SCAF8: variants seen among roughly 807,000 people sequenced by gnomAD.
The protein encoded by SCAF8 is SR-related CTD associated factor 8, also known as SR-related and CTD-associated factor 8.
In SCAF8, 23 loss-of-function variants were observed where a neutral mutation model predicts 140.5. The ratio of observed to expected loss-of-function variants is 0.16; its 90% CI spans 0.12 to 0.23. The LOEUF (loss-of-function observed/expected upper bound fraction) is 0.23. Ranked by LOEUF, SCAF8 falls within the 10% of genes least tolerant of loss-of-function variation. The pLI is 1.00. For synonymous variants in SCAF8, 575 were observed against 528.9 expected (o/e 1.09, Z -1.20); for missense variants, 1,397 against 1,555.7 (o/e 0.90, Z 1.72).
At chr6:154,772,595 G>C (rs1018184734) in intron 1 of SCAF8, among the ~76,000 whole-genome samples, 1 of 152,050 alleles carries the variant, frequency 6.6e-6, no homozygotes, top group Non-Finnish European at 1.5e-5. Flanking sequence ...AGGCTGAGGT[G>C]GGAGTATCGT....
chr6:154,766,818 T>C (rs1776585351), intron 1 of SCAF8, among the ~76,000 whole-genome samples: 1 of 152,130 alleles, frequency 6.6e-6, no homozygotes, highest in African/African-American at 2.4e-5. Flanking sequence ...AAGCTTTTTT[T>C]GTGGCAGTGG....
intron 1 of SCAF8, among the ~76,000 whole-genome samples, chr6:154,747,702 T>G (rs112881251): frequency 6.6e-6 from 1 of 152,114 alleles, no homozygotes; most frequent in African/African-American, 2.4e-5. Flanking sequence ...AAAGGCCTTA[T>G]AGTGCTTATT....
At chr6:154,750,110 TG>T (rs1301130315) in intron 1 of SCAF8, among the ~76,000 whole-genome samples, 1 of 137,906 alleles carries the variant, frequency 7.3e-6, no homozygotes. Flanking sequence ...AATGATAATT[TG>T]GGGGGGATAG....
At chr6:154,770,369 T>TAC (rs1226898910) in intron 1 of SCAF8, among the ~76,000 whole-genome samples, 1,650 of 146,346 alleles carry the variant, frequency 0.011, 10 homozygotes, top group Middle Eastern at 0.018. Flanking sequence ...GAGGTTGAGG[T>TAC]ACACACACAC....
In SCAF8 at chr6:154,808,711, A is replaced by G. The variant is rs1354678634; in HGVS notation, c.1139A>G (p.Asp380Gly). 1 of 1,613,148 alleles carries G rather than the reference A, an allele frequency of 6.2e-7. No homozygotes were observed. Among genetic ancestry groups the G allele is most frequent in the Non-Finnish European group, 8.5e-7 (1 of 1,179,238 alleles). ...GATATGGATATAGATGAAGGGCAAG[A>G]TGGAGTGGAAGAGGAGGTCTTTGAA... ...QQDMDIDEGQDGVEEEVFEQE... is the reference protein window; with the variant it reads ...QQDMDIDEGQGGVEEEVFEQE... The change falls in exon 11 of 20, where the codon GAT (aspartate) becomes GGT (glycine). Residue 380 changes from aspartate to glycine, a missense_variant. Around this residue, in one of 5 missense-constraint regions of SCAF8, gnomAD observed 339 missense variants for 407.5 expected, o/e 0.83. Coordinates refer to ENST00000367178, the MANE Select transcript of SCAF8 (RefSeq NM_014892.5).
chr6:154,753,763 G>A (rs780496266), intron 1 of SCAF8, among the ~76,000 whole-genome samples: 44 of 152,220 alleles, frequency 2.9e-4, no homozygotes, highest in Non-Finnish European at 5.0e-4. Flanking sequence ...TATTTCTGAA[G>A]AAAGCAGTAG....
At chr6:154,830,826 A>G in intron 18 of SCAF8, 96 bp from the exon 19 acceptor site, 1 of 833,990 alleles carries the variant, frequency 1.2e-6, no homozygotes, top group East Asian at 2.5e-5. Context: ...TTAGTAATAC[A>G]GAGATGCCAT....
intron 4 of SCAF8, among the ~76,000 whole-genome samples, chr6:154,789,340 T>C (rs774082387): frequency 6.6e-6 from 1 of 151,952 alleles, no homozygotes; most frequent in African/African-American, 2.4e-5. Flanking sequence ...CTCAAATTCC[T>C]GACCTTGTGA....
intron 8 of SCAF8, among the ~76,000 whole-genome samples, chr6:154,804,672 T>G (rs1393309573): frequency 6.6e-6 from 1 of 152,194 alleles, no homozygotes; most frequent in Admixed American, 6.5e-5. Context: ...ATTCTTCCCC[T>G]TAGGTTTATT....
intron 3 of SCAF8, among the ~76,000 whole-genome samples, chr6:154,780,774 G>T (rs1321407144): frequency 2.0e-5 from 3 of 151,996 alleles, no homozygotes. Flanking sequence ...GTCTATCATT[G>T]ATGGGCATTT....
At chr6:154,818,754 A>G (rs959280783) in intron 14 of SCAF8, among the ~76,000 whole-genome samples, 162 bp downstream of exon 14, 1 of 152,214 alleles carries the variant, frequency 6.6e-6, no homozygotes, top group Non-Finnish European at 1.5e-5. Flanking sequence ...GACAAACCTC[A>G]TCAGAAACTT....
intron 1 of SCAF8, among the ~76,000 whole-genome samples, chr6:154,746,387 T>G (rs993342099): frequency 1.3e-5 from 2 of 152,236 alleles, no homozygotes; most frequent in Non-Finnish European, 2.9e-5. Flanking sequence ...TGTGTATATC[T>G]ATCAATAGAT....
intron 3 of SCAF8, among the ~76,000 whole-genome samples, chr6:154,786,679 T>C (rs1187865634): frequency 2.0e-5 from 3 of 152,250 alleles, no homozygotes; most frequent in South Asian, 4.1e-4. Context: ...TCGCTTTCAC[T>C]GTCATAACTT....
intron 1 of SCAF8, among the ~76,000 whole-genome samples, chr6:154,759,172 T>G (rs1054736378): frequency 6.6e-6 from 1 of 152,186 alleles, no homozygotes; most frequent in Admixed American, 6.5e-5. Flanking sequence ...GGATTTTGAG[T>G]TGTCATCAGT....
intron 9 of SCAF8, among the ~76,000 whole-genome samples, chr6:154,806,327 A>G (rs1288486749): frequency 1.3e-5 from 2 of 152,206 alleles, no homozygotes; most frequent in Admixed American, 6.5e-5. Context: ...ACGCATGTAA[A>G]CTGTTCAGAA....
chr6:154,817,785 GAAAC>G (rs771566827), intron 13 of SCAF8, among the ~76,000 whole-genome samples: 39 of 152,246 alleles, frequency 2.6e-4, no homozygotes, highest in Non-Finnish European at 1.2e-4. Context: ...TTCTCAGAAA[GAAAC>G]AAATGCTGTG....
intron 18 of SCAF8, among the ~76,000 whole-genome samples, chr6:154,827,613 A>G (rs1433223130): frequency 6.6e-6 from 1 of 152,186 alleles, no homozygotes; most frequent in Admixed American, 6.5e-5. Flanking sequence ...AAGAGCTTAA[A>G]TAATGGATTT....
rs1366047340 is a variant in SCAF8 at position 154,803,463 on chromosome 6, A to T, written c.784-81A>T. 3.3e-6 allele frequency: 3 copies of T among 908,924 alleles called. No individual in the cohort carries two copies. In the Admixed American group the frequency reaches 5.4e-5, roughly 16 times the overall value. The allele number at this position is 908,924 out of a possible 1,614,324, so 56.3% of individuals were successfully genotyped here. A position where few individuals can be genotyped will look rare whatever the true frequency, so the allele number is the denominator to read the frequency against. ...TAAATGATAGATATAACGGAATGCC[A>T]TTGACATTTAAAATAGCATTTGTAA... On this transcript the variant is annotated intron_variant, in intron 7 of 19. Coordinates refer to ENST00000367178, the MANE Select transcript of SCAF8 (RefSeq NM_014892.5).
intron 1 of SCAF8, among the ~76,000 whole-genome samples, chr6:154,759,974 A>T (rs1583009813): frequency 6.6e-6 from 1 of 152,138 alleles, no homozygotes; most frequent in African/African-American, 2.4e-5. Flanking sequence ...TGGCCATCAT[A>T]ATAATTTTAT....
Sources: allele counts gnomAD v4.1 joint callset (sites outside exome capture counted in the v4.1 genomes callset), GRCh38; gene constraint gnomAD v4.1.1; regional missense constraint gnomAD v4.1.1; transcripts MANE v1.5; gene names NCBI Gene and HGNC (gene_info 2026-07-23, HGNC 2026-07-21).